The following RBSN variants were observed in gnomAD, a reference collection of about 807,000 sequenced individuals.
The protein encoded by RBSN is rabenosyn-5.
In RBSN, 34 loss-of-function variants were observed where a neutral mutation model predicts 60.5. The ratio of observed to expected loss-of-function variants is 0.56; its 90% CI spans 0.43 to 0.75. The LOEUF is 0.75. Ranked by LOEUF, RBSN falls within the 30% of genes least tolerant of loss-of-function variation. The pLI is 0.00. For synonymous variants in RBSN, 322 were observed against 366.9 expected (o/e 0.88, Z 1.40); for missense variants, 845 against 986.8 (o/e 0.86, Z 1.92).
At position 15,080,817 on chromosome 3, in the gene RBSN, A is replaced by G. The variant is rs781737627; in HGVS notation, c.841-15T>C. 6.2e-7 allele frequency: 1 copy of G among 1,612,980 alleles called. No homozygotes were observed. Among genetic ancestry groups the G allele is most frequent in the Non-Finnish European group, 8.5e-7 (1 of 1,178,970 alleles). On this transcript the variant is annotated splice_polypyrimidine_tract_variant and intron_variant, in intron 9 of 13. Transcript: ENST00000253699. ...AGTCGTAATTTCTAAGAACAAAAACAAAGAGGTAAGTGGTATGCTCAAGAT... is the reference window on the plus strand; with the variant it reads ...AGTCGTAATTTCTAAGAACAAAAACGAAGAGGTAAGTGGTATGCTCAAGAT...
At chr3:15,098,001 T>G (rs1575113183) in intron 2 of RBSN, 118 bp downstream of exon 2, 1 of 152,492 alleles carries the variant, frequency 6.6e-6, no homozygotes, top group Non-Finnish European at 1.5e-5. Context: ...TTTCTTCCCA[T>G]GCACTCACCC....
intron 12 of RBSN, among the ~76,000 whole-genome samples, chr3:15,075,922 T>C (rs1241096130): frequency 1.3e-5 from 2 of 152,132 alleles, no homozygotes; most frequent in Non-Finnish European, 2.9e-5. Context: ...CAACATCAGA[T>C]ATCCCAGTTA....
Position 15,096,284 on chromosome 3 carries a change from G to A in RBSN, c.-164C>T, listed in dbSNP as rs1483719476. ...TGAGGTTTCCTCTCTGGAGTAGGAG[G>A]AGCCCTAAGAAAGAAAAGAAGAAGG... On this transcript the variant is annotated 5_prime_UTR_variant, in exon 4 of 14. Coordinates refer to ENST00000253699, the MANE Select transcript of RBSN (RefSeq NM_022340.4). 6.2e-6 allele frequency: 4 copies of A among 641,298 alleles called. No individual in the cohort carries two copies. Among genetic ancestry groups the A allele is most frequent in the African/African-American group, 3.8e-5 (2 of 53,324 alleles). 39.7% of individuals were successfully genotyped at this position (641,298 alleles called of 1,614,324 possible). A position where few individuals can be genotyped will look rare whatever the true frequency, so the allele number is the denominator to read the frequency against.
chr3:15,098,287 A>T lies in RBSN; in HGVS notation c.-500-13T>A, dbSNP rs1480566527. On this transcript the variant is annotated splice_polypyrimidine_tract_variant and intron_variant, in intron 1 of 13. Coordinates refer to ENST00000253699, the MANE Select transcript of RBSN (RefSeq NM_022340.4). ...TTTAGCACAGTACCTGGCACACACA[A>T]TGAAGCAGCACAATAAAGCTCCATG... The T allele has an allele frequency of 6.6e-6, 1 of 152,042 alleles. No individual in the cohort carries two copies. Among genetic ancestry groups the T allele is most frequent in the Non-Finnish European group, 1.5e-5 (1 of 68,042 alleles). 9.4% of individuals were successfully genotyped at this position (152,042 alleles called of 1,614,324 possible). A position where few individuals can be genotyped will look rare whatever the true frequency, so the allele number is the denominator to read the frequency against.
At chr3:15,090,273 A>G (rs2043476391) in intron 5 of RBSN, 126 bp downstream of exon 5, 1 of 1,032,366 alleles carries the variant, frequency 9.7e-7, no homozygotes, top group East Asian at 2.5e-5. Context: ...GCAAGGGCAT[A>G]AGGTCCATGA....
chr3:15,085,977 G>A lies in RBSN; in HGVS notation c.290-16C>T. On this transcript the variant is annotated splice_polypyrimidine_tract_variant and intron_variant, in intron 5 of 13. Transcript: ENST00000253699. ...CTCACAGCACCTAGAGGGAAGGAAG[G>A]TAGGGAGACAAATGACTTATAGTTT... is the stretch of plus-strand genomic sequence containing the variant. 2 of 1,599,048 alleles carry A rather than the reference G, an allele frequency of 1.3e-6. No homozygotes were observed. The highest frequency in any genetic ancestry group is 1.7e-6 in the Non-Finnish European group (2 of 1,170,390).
At chr3:15,095,197 A>AT (rs1467175032) in intron 4 of RBSN, among the ~76,000 whole-genome samples, 2 of 150,254 alleles carry the variant, frequency 1.3e-5, no homozygotes, top group East Asian at 2.0e-4. Context: ...TTTTTTTTTA[A>AT]TTTTTTTTGT....
intron 6 of RBSN, 135 bp downstream of exon 6, chr3:15,085,726 C>T (rs1326374009): frequency 1.5e-5 from 11 of 734,540 alleles, no homozygotes; most frequent in Non-Finnish European, 2.1e-5. Context: ...GTCCTTTGCA[C>T]CTCTCTAGAG....
At position 15,079,851 on chromosome 3, in the gene RBSN, T is replaced by TCTTCATTTTGTG. The variant is rs769286894; in HGVS notation, c.911+880_911+881insCACAAAATGAAG. Reference sequence around the variant, plus strand: ...AAAATGTTTACAATGAAGACAGTGGTAATGTTCGCTAATTTTGTGAATACG... The same window carrying TCTTCATTTTGTG: ...AAAATGTTTACAATGAAGACAGTGGTCTTCATTTTGTGAATGTTCGCTAATTTTGTGAATACG... On this transcript the variant is annotated intron_variant, in intron 10 of 13. Transcript: ENST00000253699. Among the ~76,000 whole-genome samples the TCTTCATTTTGTG allele has an allele frequency of 4.5e-3, 679 of 152,292 alleles. 1 individual carries two copies. The highest frequency in any genetic ancestry group is 8.1e-3 in the Non-Finnish European group (548 of 68,022).
At position 15,085,861 on chromosome 3, in the gene RBSN, C is replaced by G; in HGVS notation, c.390G>C (p.Lys130Asn). The change falls in exon 6 of 14, where the codon AAG (lysine) becomes AAC (asparagine). Residue 130 changes from lysine (K) to asparagine (N), a missense_variant and splice_region_variant. Lys to Asn is a moderately conservative substitution (Grantham distance 94). Transcript: ENST00000253699. The part of the protein sequence containing the change: ...EVNKLIIRLE[K>N]LTAFDRTNTE... ...AATGTTTTAAGACAACAAAATTTAC[C>G]TTCTCTAACCTGATTATTAGTTTAT... is the stretch of plus-strand genomic sequence containing the variant. The G allele has an allele frequency of 6.2e-7, 1 of 1,606,510 alleles. No homozygotes were observed. The highest frequency in any genetic ancestry group is 8.5e-7 in the Non-Finnish European group (1 of 1,177,186).
rs554567895 is a variant in RBSN, at chr3:15,082,629, G to A, written c.599-21C>T. The A allele has an allele frequency of 6.2e-7, 1 of 1,611,870 alleles. No homozygotes were observed. The highest frequency in any genetic ancestry group is 8.5e-7 in the Non-Finnish European group (1 of 1,178,678). On this transcript the variant is annotated intron_variant, in intron 8 of 13. Transcript: ENST00000253699. The surrounding 1 kb of genome is among the most constrained non-coding windows in gnomAD (Gnocchi z 4.2). Reference sequence around the variant, plus strand: ...CTTGTCTGTAACCACAACACCAACAGGCAGCAATGACCCCCACAGCATCCA... The same window carrying A: ...CTTGTCTGTAACCACAACACCAACAAGCAGCAATGACCCCCACAGCATCCA...
rs1455637895 is a variant in RBSN at position 15,078,067 on chromosome 3, G to C, written c.998+8C>G. On this transcript the variant is annotated splice_region_variant and intron_variant, in intron 11 of 13. Coordinates refer to ENST00000253699, the MANE Select transcript of RBSN (RefSeq NM_022340.4). Reference sequence around the variant, plus strand: ...CCAGCGGGCAGGATACCACTTAATGGACCTTACCTTAAAGCGTCTATCAGC... The same window carrying C: ...CCAGCGGGCAGGATACCACTTAATGCACCTTACCTTAAAGCGTCTATCAGC... 3.5e-5 allele frequency: 57 copies of C among 1,613,120 alleles called. No individual in the cohort carries two copies. The highest frequency in any genetic ancestry group is 4.7e-5 in the Non-Finnish European group (55 of 1,179,304).
In RBSN at chr3:15,078,779, C is replaced by CATATAT. The variant is rs57572763; in HGVS notation, c.912-624_912-619dup. On this transcript the variant is annotated intron_variant, in intron 10 of 13. Transcript: ENST00000253699. ...GGTCTCAAAAAAAAAAAAAAAAATACATATATATATATATATATATATATA... is the reference window on the plus strand; with the variant it reads ...GGTCTCAAAAAAAAAAAAAAAAATACATATATATATATATATATATATATATATATA... Among the ~76,000 whole-genome samples the CATATAT allele has an allele frequency of 4.2e-3, 215 of 50,598 alleles. 8 individuals carry two copies. The highest frequency in any genetic ancestry group is 6.1e-3 in the African/African-American group (70 of 11,466). 33.2% of individuals were successfully genotyped at this position (50,598 alleles called of 152,430 possible).
intron 4 of RBSN, among the ~76,000 whole-genome samples, chr3:15,093,959 C>T (rs2043583870): frequency 6.6e-6 from 1 of 152,178 alleles, no homozygotes; most frequent in African/African-American, 2.4e-5. Context: ...CCCGCCATGG[C>T]CTCCCAAAGT....
At chr3:15,098,982 C>T (rs1419048306) in intron 1 of RBSN, 53 bp downstream of exon 1, 1 of 152,674 alleles carries the variant, frequency 6.5e-6, no homozygotes, top group Non-Finnish European at 1.5e-5. Context: ...CGTCTCCGTT[C>T]TGGAGGAGTC....
In RBSN at chr3:15,073,420, A is replaced by G. The variant is rs953211036; in HGVS notation, c.*362T>C. ...AGACTAGGCAGTAGCAAATGGACCC[A>G]AGAGGTACACAGCAGCCATTTCTGC... On this transcript the variant is annotated 3_prime_UTR_variant, in exon 14 of 14. Transcript: ENST00000253699. 5 of 226,526 alleles carry G rather than the reference A, an allele frequency of 2.2e-5. No homozygotes were observed. Among genetic ancestry groups the G allele is most frequent in the Admixed American group, 5.2e-5 (1 of 19,394 alleles). 14.0% of individuals were successfully genotyped at this position (226,526 alleles called of 1,614,324 possible).
At chr3:15,095,069 A>G (rs1014707451) in intron 4 of RBSN, among the ~76,000 whole-genome samples, 10 of 152,002 alleles carry the variant, frequency 6.6e-5, no homozygotes, top group African/African-American at 2.4e-4. Flanking sequence ...GTGCGAGTGC[A>G]GTGGCATGAT....
In RBSN at chr3:15,085,975, AG is replaced by A. The variant is rs2043328217; in HGVS notation, c.290-15del. On this transcript the variant is annotated splice_polypyrimidine_tract_variant and intron_variant, in intron 5 of 13. Transcript: ENST00000253699. ...TTCTCACAGCACCTAGAGGGAAGGA[AG>A]GTAGGGAGACAAATGACTTATAGTT... The A allele has an allele frequency of 1.2e-6, 2 of 1,604,236 alleles. No individual in the cohort carries two copies. Among genetic ancestry groups the A allele is most frequent in the Non-Finnish European group, 1.7e-6 (2 of 1,173,246 alleles).
intron 13 of RBSN, 178 bp from the exon 14 acceptor site, chr3:15,075,108 A>T: frequency 1.4e-6 from 1 of 726,960 alleles, no homozygotes; most frequent in Non-Finnish European, 2.2e-6. Flanking sequence ...TGTGGGCGGA[A>T]GGGAGACCCT....
Sources: allele counts gnomAD v4.1 joint callset (sites outside exome capture counted in the v4.1 genomes callset), GRCh38; gene constraint gnomAD v4.1.1; non-coding constraint Gnocchi (gnomAD v3.1); transcripts MANE v1.5; gene names NCBI Gene and HGNC (gene_info 2026-07-23, HGNC 2026-07-21).